The following FAM171A1 variants were observed in gnomAD, a reference collection of about 807,000 sequenced individuals.
The protein encoded by FAM171A1 is family with sequence similarity 171 member A1.
Under a neutral mutation model 74.9 loss-of-function variants are expected in FAM171A1, and 23 were observed. The observed-to-expected ratio is 0.31, with a 90% CI of 0.22 to 0.44. The LOEUF is 0.44. Among genes scored for constraint, FAM171A1 ranks in the 20% least tolerant of loss-of-function variants. The pLI is 1.00. For synonymous variants in FAM171A1, 527 were observed against 505.7 expected (o/e 1.04, Z -0.57); for missense variants, 1,162 against 1,159.2 (o/e 1.00, Z -0.03).
intron 1 of FAM171A1, among the ~76,000 whole-genome samples, chr10:15,318,114 A>G (rs1835443870): frequency 6.6e-6 from 1 of 152,196 alleles, no homozygotes; most frequent in Non-Finnish European, 1.5e-5. Flanking sequence ...TTTTATCACT[A>G]GAGGTATGCA....
chr10:15,223,908 T>TAAAAC (rs1412860574), intron 5 of FAM171A1, among the ~76,000 whole-genome samples: 1 of 151,576 alleles, frequency 6.6e-6, no homozygotes, highest in Admixed American at 6.6e-5. Flanking sequence ...CAATTAAAAA[T>TAAAAC]AAAACAAAAC....
At chr10:15,347,884 A>G (rs974363138) in intron 1 of FAM171A1, among the ~76,000 whole-genome samples, 4 of 151,580 alleles carry the variant, frequency 2.6e-5, no homozygotes, top group African/African-American at 9.7e-5. Context: ...AAGCTGCAGA[A>G]TTCCTTCCAC....
chr10:15,238,013 G>T (rs184107668), intron 5 of FAM171A1, among the ~76,000 whole-genome samples: 1 of 152,100 alleles, frequency 6.6e-6, no homozygotes, highest in African/African-American at 2.4e-5. Context: ...CTGAACTACG[G>T]CATCTATTCT....
intron 1 of FAM171A1, among the ~76,000 whole-genome samples, chr10:15,347,116 A>G (rs1031333374): frequency 2.6e-5 from 4 of 152,236 alleles, no homozygotes. Context: ...TCTCTGAGCA[A>G]CAATAGCCAA....
intron 2 of FAM171A1, among the ~76,000 whole-genome samples, chr10:15,279,963 T>C (rs553301420): frequency 1.4e-4 from 22 of 152,242 alleles, no homozygotes; most frequent in Admixed American, 4.6e-4. Context: ...GGCGTGCACC[T>C]GTAATCCCAG....
At chr10:15,263,809 A>G (rs1834697850) in intron 3 of FAM171A1, among the ~76,000 whole-genome samples, 1 of 150,940 alleles carries the variant, frequency 6.6e-6, no homozygotes, top group African/African-American at 2.4e-5. Flanking sequence ...TAATCTATTA[A>G]TCATCTATCT....
At chr10:15,318,125 A>G (rs1835444269) in intron 1 of FAM171A1, among the ~76,000 whole-genome samples, 1 of 152,190 alleles carries the variant, frequency 6.6e-6, no homozygotes, top group African/African-American at 2.4e-5. Flanking sequence ...GAGGTATGCA[A>G]TCACAAAATT....
At chr10:15,226,625 T>C (rs1834111063) in intron 5 of FAM171A1, among the ~76,000 whole-genome samples, 1 of 152,162 alleles carries the variant, frequency 6.6e-6, no homozygotes, top group African/African-American at 2.4e-5. Flanking sequence ...CTAAAAAGCA[T>C]CATTTCCTCC....
upstream of FAM171A1, among the ~76,000 whole-genome samples, chr10:15,371,642 A>C (rs1836151408): frequency 3.3e-5 from 5 of 152,126 alleles, no homozygotes; most frequent in Admixed American, 3.3e-4. Flanking sequence ...AACACTCCCC[A>C]AGCCAGTATA....
intron 1 of FAM171A1, among the ~76,000 whole-genome samples, chr10:15,358,083 T>A (rs1366505404): frequency 6.6e-6 from 1 of 152,100 alleles, no homozygotes; most frequent in East Asian, 1.9e-4. Context: ...TTGAGTGATA[T>A]TGTCGCCTCA....
chr10:15,237,284 G>A (rs1466564967), intron 5 of FAM171A1, among the ~76,000 whole-genome samples: 2 of 152,074 alleles, frequency 1.3e-5, no homozygotes, highest in African/African-American at 4.8e-5. Flanking sequence ...AGAGACCTAA[G>A]TCCCTAAGAA....
intron 1 of FAM171A1, among the ~76,000 whole-genome samples, chr10:15,289,868 A>G (rs1467614691): frequency 6.6e-6 from 1 of 152,252 alleles, no homozygotes; most frequent in African/African-American, 2.4e-5. Flanking sequence ...TTGCATTACA[A>G]CAGCAGACTT....
chr10:15,316,957 C>T (rs982054344), intron 1 of FAM171A1, among the ~76,000 whole-genome samples: 5 of 151,804 alleles, frequency 3.3e-5, no homozygotes, highest in African/African-American at 7.3e-5. Context: ...ACAGTGGGTC[C>T]GGGTGATGCA....
intron 1 of FAM171A1, among the ~76,000 whole-genome samples, chr10:15,291,706 T>C (rs1055313710): frequency 2.0e-5 from 3 of 151,942 alleles, no homozygotes; most frequent in African/African-American, 7.3e-5. Context: ...CCACCCCTCC[T>C]CCCCAGCTGT....
intron 5 of FAM171A1, among the ~76,000 whole-genome samples, chr10:15,229,560 C>CCATCA (rs1554832079): frequency 8.0e-6 from 1 of 125,048 alleles, no homozygotes; most frequent in Non-Finnish European, 1.8e-5. Context: ...CATTGTCACC[C>CCATCA]CCATCACCAT....
At chr10:15,258,959 T>C (rs544890142) in intron 3 of FAM171A1, among the ~76,000 whole-genome samples, 116 of 152,330 alleles carry the variant, frequency 7.6e-4, no homozygotes, top group African/African-American at 2.7e-3. Flanking sequence ...CACTCCAGCA[T>C]TGGATTCTTT....
intron 1 of FAM171A1, among the ~76,000 whole-genome samples, chr10:15,317,610 G>A (rs1167203295): frequency 6.6e-6 from 1 of 151,858 alleles, no homozygotes; most frequent in Non-Finnish European, 1.5e-5. Flanking sequence ...GGCCAGGCTG[G>A]TCTCAAACTC....
chr10:15,254,839 A>G lies in FAM171A1; in HGVS notation c.459T>C (p.Ala153=). The G allele has an allele frequency of 6.2e-7, 1 of 1,614,146 alleles. No individual in the cohort carries two copies. The change falls in exon 4 of 8, where the codon GCT becomes GCC. Residue 153 remains alanine, a synonymous_variant. Transcript: ENST00000378116. ...AGCTGGTGTTCTCAGGCAACCTCAG[A>G]GCCCTTCTCTGGAAATGAACGCGAG... ...PQPRVHFQRR[A]LRLPENTSYS...
intron 4 of FAM171A1, 73 bp downstream of exon 4, chr10:15,254,648 A>G (rs2131767987): frequency 1.4e-5 from 22 of 1,529,340 alleles, no homozygotes; most frequent in Middle Eastern, 3.5e-4. Context: ...AAAACTCCCA[A>G]TCATACCTAA....
Sources: gnomAD v4.1 joint callset for allele counts (sites outside exome capture counted in the v4.1 genomes callset) on GRCh38, gnomAD v4.1.1 for gene constraint, MANE v1.5 for transcripts, NCBI Gene and HGNC (gene_info 2026-07-23, HGNC 2026-07-21) for gene names.